Variants in KAZN observed in about 807,000 individuals in gnomAD.
KAZN encodes kazrin, periplakin interacting protein.
KAZN carries 40 observed loss-of-function variants against 87.4 expected under a neutral mutation model. The observed-to-expected ratio is 0.46, with a 90% confidence interval of 0.36 to 0.60. KAZN has a LOEUF of 0.60. Ranked by LOEUF, KAZN falls within the 20% of genes least tolerant of loss-of-function variation. The pLI is 0.00. For synonymous variants in KAZN, 466 were observed against 458.3 expected (o/e 1.02, Z -0.22); for missense variants, 898 against 1,073.9 (o/e 0.84, Z 2.29).
Position 15,055,911 on chromosome 1 carries a change from C to G in KAZN, c.727-180C>G, listed in dbSNP as rs533299239. The stretch of plus-strand genomic sequence containing the variant: ...CTGTCTAATGGGGAGAACAACAGTT[C>G]CTCCCTCACACGGCTGCGGGGCAGG... On this transcript the variant is annotated intron_variant, in intron 4 of 14. Coordinates refer to ENST00000376030, the MANE Select transcript of KAZN (RefSeq NM_201628.3). 4.4e-4 allele frequency among the ~76,000 whole-genome samples: 67 copies of G among 152,340 alleles called. No homozygotes were observed. In the South Asian group the frequency reaches 8.9e-3, roughly 20 times the overall value.
At chr1:14,544,654 T>TA (rs931101210) in intron 2 of KAZN, among the ~76,000 whole-genome samples, 29 of 151,972 alleles carry the variant, frequency 1.9e-4, no homozygotes, top group African/African-American at 7.0e-4. Flanking sequence ...AGAAAGGGTT[T>TA]AGATAAATCC....
intron 14 of KAZN, 100 bp downstream of exon 14, chr1:15,112,641 G>A: frequency 1.2e-5 from 7 of 566,096 alleles, no homozygotes; most frequent in Non-Finnish European, 1.8e-5. Flanking sequence ...GGCCTGTGAA[G>A]GTGGAGTGCC....
At chr1:13,974,703 G>T (rs1029073519) in intron 1 of KAZN, among the ~76,000 whole-genome samples, 2 of 151,980 alleles carry the variant, frequency 1.3e-5, no homozygotes, top group African/African-American at 4.8e-5. Flanking sequence ...AGAGCTCCCT[G>T]AGGAAGCAAA....
chr1:14,959,087 A>G (rs59160215), intron 1 of KAZN, among the ~76,000 whole-genome samples: 10,732 of 152,304 alleles, frequency 0.07, 1,280 homozygotes, highest in African/African-American at 0.25. Flanking sequence ...GAGAAAGAGC[A>G]AAGAGGAAGG....
chr1:14,034,157 C>T (rs532684667), intron 1 of KAZN, among the ~76,000 whole-genome samples: 31 of 152,350 alleles, frequency 2.0e-4, no homozygotes, highest in African/African-American at 7.2e-4. Flanking sequence ...ATTTTTCAAA[C>T]AGCCTGTATC....
At chr1:14,814,518 G>C (rs896035079) in intron 1 of KAZN, among the ~76,000 whole-genome samples, 1 of 152,184 alleles carries the variant, frequency 6.6e-6, no homozygotes, top group Non-Finnish European at 1.5e-5. Context: ...CTGGCCAAAG[G>C]CTGCATCTTC....
rs139134465 is a variant in KAZN, at chr1:15,025,984, T to C, written c.419-8765T>C. Among the ~76,000 whole-genome samples the C allele has an allele frequency of 1.6e-3, 243 of 152,210 alleles. 1 individual carries two copies. The highest frequency in any genetic ancestry group is 2.1e-3 in the Non-Finnish European group (142 of 68,008). On this transcript the variant is annotated intron_variant, in intron 2 of 14. Coordinates refer to ENST00000376030, the MANE Select transcript of KAZN (RefSeq NM_201628.3). ...AACCTTTATAAAGCAGGTTAAACTT[T>C]AACCTCTTCCGAACTCACCTTACTC... is the stretch of plus-strand genomic sequence containing the variant.
At chr1:15,007,333 G>T (rs990990785) in intron 2 of KAZN, among the ~76,000 whole-genome samples, 1 of 152,220 alleles carries the variant, frequency 6.6e-6, no homozygotes, top group South Asian at 2.1e-4. Context: ...GCAGAGGCAG[G>T]ATTGGAACCC....
chr1:14,670,976 A>G (rs1240083153), intron 1 of KAZN, among the ~76,000 whole-genome samples: 1 of 152,182 alleles, frequency 6.6e-6, no homozygotes, highest in African/African-American at 2.4e-5. Flanking sequence ...TGGAGGCCAT[A>G]GATGATGTCA....
At position 13,971,740 on chromosome 1, in the gene KAZN, T is replaced by A. The variant is rs544420881; in HGVS notation, c.91+77984T>A. 3.8e-3 allele frequency among the ~76,000 whole-genome samples: 586 copies of A among 152,308 alleles called. 3 individuals are homozygous for A. The highest frequency in any genetic ancestry group is 6.6e-3 in the Non-Finnish European group (447 of 68,024). ...GAAGTGGGGCCTGATGGAAAGTGAT[T>A]GAATCATGGGTGTGCATCCTTCACA... On this transcript the variant is annotated intron_variant, in intron 1 of 16. Transcript: ENST00000636203.
At chr1:14,886,469 GAGAC>G (rs1654076607) in intron 1 of KAZN, among the ~76,000 whole-genome samples, 1 of 151,562 alleles carries the variant, frequency 6.6e-6, no homozygotes, top group South Asian at 2.1e-4. Flanking sequence ...CACACAGAGA[GAGAC>G]AGAGAGAGAG....
intron 2 of KAZN, among the ~76,000 whole-genome samples, chr1:14,389,003 A>G (rs79111459): frequency 6.6e-6 from 1 of 150,734 alleles, no homozygotes; most frequent in African/African-American, 2.5e-5. Context: ...ACTCTACAGG[A>G]AAAAAAAATC....
At chr1:14,511,782 A>G (rs902471273) in intron 2 of KAZN, among the ~76,000 whole-genome samples, 1 of 152,216 alleles carries the variant, frequency 6.6e-6, no homozygotes, top group African/African-American at 2.4e-5. Flanking sequence ...TCTTGTTAAC[A>G]CAGGAAATGG....
intron 1 of KAZN, among the ~76,000 whole-genome samples, chr1:14,829,814 A>T (rs1450613299): frequency 1.9e-4 from 29 of 152,218 alleles, no homozygotes; most frequent in Non-Finnish European, 2.9e-5. Flanking sequence ...CAGACACTGG[A>T]TAGTGAAGGA....
chr1:13,962,756 C>T (rs971902858), intron 1 of KAZN, among the ~76,000 whole-genome samples: 3 of 152,132 alleles, frequency 2.0e-5, no homozygotes, highest in Admixed American at 6.5e-5. Context: ...GAGTGTTTCA[C>T]GGTGTTGGCC....
chr1:14,251,643 C>CTTTTTTTTTTTTTTTTTTTTTTTTTTTTT (rs549092023), intron 2 of KAZN, among the ~76,000 whole-genome samples: 1 of 90,370 alleles, frequency 1.1e-5, no homozygotes. Flanking sequence ...TTCTCCCGGA[C>CTTTTTTTTTTTTTTTTTTTTTTTTTTTTT]TTTTTTTTTT....
chr1:14,509,930 T>A (rs1020948212), intron 2 of KAZN, among the ~76,000 whole-genome samples: 1 of 152,140 alleles, frequency 6.6e-6, no homozygotes, highest in Non-Finnish European at 1.5e-5. Flanking sequence ...TGAAATAACA[T>A]TCCAGAAGGA....
chr1:14,335,160 C>T (rs2100885315), intron 2 of KAZN, among the ~76,000 whole-genome samples: 1 of 149,144 alleles, frequency 6.7e-6, no homozygotes, highest in East Asian at 2.0e-4. Flanking sequence ...TGTGAGTTCA[C>T]AAAATAACTG....
intron 2 of KAZN, among the ~76,000 whole-genome samples, chr1:14,961,202 T>G (rs1037076140): frequency 6.6e-6 from 1 of 152,200 alleles, no homozygotes; most frequent in Non-Finnish European, 1.5e-5. Flanking sequence ...CCCAGCACCC[T>G]TGGGGTCCTT....
Sources: gnomAD v4.1 joint callset for allele counts (sites outside exome capture counted in the v4.1 genomes callset) on GRCh38, gnomAD v4.1.1 for gene constraint, MANE v1.5 for transcripts, NCBI Gene and HGNC (gene_info 2026-07-23, HGNC 2026-07-21) for gene names.